LEFTY2: variants seen among roughly 807,000 people sequenced by gnomAD.
LEFTY2 encodes the protein left-right determination factor 2.
A neutral mutation model predicts 26.4 loss-of-function variants in LEFTY2; 10 were observed. The ratio of observed to expected loss-of-function variants is 0.38; its 90% confidence interval spans 0.23 to 0.64. The LOEUF is 0.64. LEFTY2 is among the 30% of genes least tolerant of loss of function. LEFTY2 has a pLI of 0.56. For synonymous variants in LEFTY2, 204 were observed against 234.1 expected, an observed-to-expected ratio of 0.87 and a Z score of 1.17; for missense variants, 407 against 502.1, an observed-to-expected ratio of 0.81 and a Z score of 1.81.
In LEFTY2 at chr1:225,939,516, C is replaced by T. The variant is rs750982897; in HGVS notation, c.582G>A (p.Arg194=). The change falls in exon 3 of 4, where the codon CGG becomes CGA. Residue 194 remains arginine (R), a synonymous_variant. Coordinates refer to ENST00000366820, the MANE Select transcript of LEFTY2 (RefSeq NM_003240.5). This position sits in a 1 kb window ranked among gnomAD's most constrained non-coding sequence, Gnocchi z 4.1. The part of the protein sequence containing the change: ...VNFWQQLSRP[R]QPLLLQVSVQ... ...CCGACACCTGTAGCAGCAGCGGCTG[C>T]CGGGGCCGGCTCAGCTGCTGCCAGA... 1.9e-6 allele frequency: 3 copies of T among 1,610,520 alleles called. No homozygotes were observed. Among genetic ancestry groups the T allele is most frequent in the Non-Finnish European group, 2.5e-6 (3 of 1,179,462 alleles).
At position 225,939,914 on chromosome 1, in the gene LEFTY2, C is replaced by A; in HGVS notation, c.339G>T (p.Leu113=). The A allele has an allele frequency of 2.5e-6, 4 of 1,576,572 alleles. No homozygotes were observed. Among genetic ancestry groups the A allele is most frequent in the Non-Finnish European group, 3.4e-6 (4 of 1,170,592 alleles). ...MEQRLPPNSE[L]VQAVLRLFQE... ...GGAAGAGCCGCAGCACGGCCTGCAC[C>A]AGCTCGCTGTTGGGCGGCAGCCGCT... The change falls in exon 2 of 4, where the codon CTG becomes CTT. Residue 113 remains leucine, a synonymous_variant. Transcript: ENST00000366820. This position sits in a 1 kb window ranked among gnomAD's most constrained non-coding sequence, Gnocchi z 4.1.
rs762361835 is a variant in LEFTY2, at chr1:225,941,172, G to A, written c.-32C>T. 2.6e-6 allele frequency: 4 copies of A among 1,516,448 alleles called. No individual in the cohort carries two copies. The highest frequency in any genetic ancestry group is 4.5e-5 in the East Asian group (2 of 44,004). The allele number at this position is 1,516,448 out of a possible 1,614,324, so 93.9% of individuals were successfully genotyped here. The stretch of plus-strand genomic sequence containing the variant: ...GCCCTGGGGGAGCAGGAGGCAGAGT[G>A]GGGCTGTCCTCTAGGGAGGTTGAAG... On this transcript the variant is annotated 5_prime_UTR_variant, in exon 1 of 4. Transcript: ENST00000366820.
At chr1:225,938,866 CTTTTTT>C (rs34986398) in intron 3 of LEFTY2, among the ~76,000 whole-genome samples, 1 of 113,082 alleles carries the variant, frequency 8.8e-6, no homozygotes, top group Admixed American at 1.1e-4. Context: ...TCTTTGTTTC[CTTTTTT>C]TTTTTTTTTT....
intron 1 of LEFTY2, 35 bp downstream of exon 1, chr1:225,940,856 A>G: frequency 2.5e-6 from 4 of 1,612,842 alleles, no homozygotes; most frequent in Non-Finnish European, 3.4e-6. Context: ...GCCCCCGACC[A>G]TGGGACCGGG....
At position 225,939,681 on chromosome 1, in the gene LEFTY2, G is replaced by A. The variant is rs750400354; in HGVS notation, c.497+75C>T. 3.1e-6 allele frequency: 5 copies of A among 1,609,478 alleles called. No individual in the cohort carries two copies. Among genetic ancestry groups the A allele is most frequent in the Non-Finnish European group, 4.2e-6 (5 of 1,178,830 alleles). On this transcript the variant is annotated intron_variant, in intron 2 of 3. Transcript: ENST00000366820. The surrounding 1 kb of genome is among the most constrained non-coding windows in gnomAD (Gnocchi z 4.1). ...GGACGGGCCCCGAGGACCCTGCACC[G>A]CCCCCTGCGTCCCCGCCCCCAAGCC...
At chr1:225,938,012 G>A (rs1013752032) in intron 3 of LEFTY2, among the ~76,000 whole-genome samples, 1 of 151,672 alleles carries the variant, frequency 6.6e-6, no homozygotes, top group South Asian at 2.1e-4. Flanking sequence ...CTCCTAATAG[G>A]CCAGACAATG....
Position 225,941,003 on chromosome 1 carries a change from G to C in LEFTY2, c.138C>G (p.Ala46=), listed in dbSNP as rs764560817. The C allele has an allele frequency of 6.2e-7, 1 of 1,613,444 alleles. No homozygotes were observed. Among genetic ancestry groups the C allele is most frequent in the East Asian group, 2.2e-5 (1 of 44,868 alleles). ...QLSEVPVLDR[A]DMEKLVIPAH... ...CGGGGATGACCAGCTTCTCCATGTC[G>C]GCCCTGTCCAGTACGGGCACCTCGC... Residue 46 remains alanine, a synonymous_variant, in exon 1 of 4, where the codon GCC becomes GCG. Coordinates refer to ENST00000366820, the MANE Select transcript of LEFTY2 (RefSeq NM_003240.5).
In LEFTY2 at chr1:225,939,172, A is replaced by G. The variant is rs201948473; in HGVS notation, c.737+189T>C. 1.3e-5 allele frequency among the ~76,000 whole-genome samples: 2 copies of G among 152,256 alleles called. No individual in the cohort carries two copies. Among genetic ancestry groups the G allele is most frequent in the East Asian group, 3.9e-4 (2 of 5,172 alleles). ...AGGTCTGAGCCACCACGCCTGGCCA[A>G]CAATACAATTTCTGCCATTAGAAAC... On this transcript the variant is annotated intron_variant, in intron 3 of 3. Transcript: ENST00000366820. The surrounding 1 kb of genome is among the most constrained non-coding windows in gnomAD (Gnocchi z 4.1).
rs761074083 is a variant in LEFTY2, at chr1:225,939,527, T to C, written c.571A>G (p.Ser191Gly). The C allele has an allele frequency of 6.2e-7, 1 of 1,611,210 alleles. No homozygotes were observed. The highest frequency in any genetic ancestry group is 1.7e-5 in the Admixed American group (1 of 59,986). Residue 191 changes from serine to glycine, a missense_variant, in exon 3 of 4, where the codon AGC (serine) becomes GGC (glycine). By Grantham distance (56) the Ser-to-Gly change is moderately conservative. Coordinates refer to ENST00000366820, the MANE Select transcript of LEFTY2 (RefSeq NM_003240.5). This position sits in a 1 kb window ranked among gnomAD's most constrained non-coding sequence, Gnocchi z 4.1. ...TEAVNFWQQLSRPRQPLLLQV... is the reference protein window; with the variant it reads ...TEAVNFWQQLGRPRQPLLLQV... ...AGCAGCAGCGGCTGCCGGGGCCGGC[T>C]CAGCTGCTGCCAGAAGTTCACGGCC... is the stretch of plus-strand genomic sequence containing the variant.
Position 225,941,086 on chromosome 1 carries a change from C to T in LEFTY2, c.55G>A (p.Gly19Arg), listed in dbSNP as rs778867386. Residue 19 changes from glycine (G) to arginine (R), a missense_variant, in exon 1 of 4, where the codon GGG becomes AGG. Physicochemically the swap from Gly to Arg is moderately radical, Grantham distance 125 (BLOSUM62 -2). Transcript: ENST00000366820. ...ALWVLPLAGP[G>R]AALTEEQLLG... The stretch of plus-strand genomic sequence containing the variant: ...AGCTGCTCCTCGGTCAGGGCCGCCC[C>T]GGGGCCAGCCAGGGGCAGCACCCAG... The T allele has an allele frequency of 8.8e-6, 14 of 1,595,892 alleles. No individual in the cohort carries two copies. Among genetic ancestry groups the T allele is most frequent in the East Asian group, 6.8e-5 (3 of 44,432 alleles).
chr1:225,939,289 G>A lies in LEFTY2; in HGVS notation c.737+72C>T. On this transcript the variant is annotated intron_variant, in intron 3 of 3. Coordinates refer to ENST00000366820, the MANE Select transcript of LEFTY2 (RefSeq NM_003240.5). The surrounding 1 kb of genome is among the most constrained non-coding windows in gnomAD (Gnocchi z 4.1). ...CCCACCGCCACCATCCGGTCCCCCA[G>A]ACAGTCCTGGGGACGGGGGTCTGGA... 1 of 1,603,304 alleles carries A rather than the reference G, an allele frequency of 6.2e-7. No homozygotes were observed. Among genetic ancestry groups the A allele is most frequent in the Admixed American group, 1.7e-5 (1 of 58,706 alleles).
Position 225,939,604 on chromosome 1 carries a change from A to T in LEFTY2, c.498-4T>A. On this transcript the variant is annotated splice_polypyrimidine_tract_variant and splice_region_variant and intron_variant, in intron 2 of 3. Transcript: ENST00000366820. This position sits in a 1 kb window ranked among gnomAD's most constrained non-coding sequence, Gnocchi z 4.1. ...GCTCTCGTGGACGGACACCAGCCTG[A>T]GACATGATACACACGACACGGAGAC... 1 of 1,612,606 alleles carries T rather than the reference A, an allele frequency of 6.2e-7. No homozygotes were observed. Among genetic ancestry groups the T allele is most frequent in the East Asian group, 2.2e-5 (1 of 44,876 alleles).
chr1:225,937,203 A>G lies in LEFTY2; in HGVS notation c.*238T>C. On this transcript the variant is annotated 3_prime_UTR_variant, in exon 4 of 4. Transcript: ENST00000366820. ...TGTGCATTGCTCAGCTGTATCTTGTAATCAGCATGCCAGCATTTCCTACTA... is the reference window on the plus strand; with the variant it reads ...TGTGCATTGCTCAGCTGTATCTTGTGATCAGCATGCCAGCATTTCCTACTA... 1.6e-6 allele frequency: 1 copy of G among 624,570 alleles called. No homozygotes were observed. The highest frequency in any genetic ancestry group is 2.8e-6 in the Non-Finnish European group (1 of 359,304). The allele number at this position is 624,570 out of a possible 1,614,324, so 38.7% of individuals were successfully genotyped here.
At position 225,936,844 on chromosome 1, in the gene LEFTY2, G is replaced by A. The variant is rs951134147; in HGVS notation, c.*597C>T. On this transcript the variant is annotated 3_prime_UTR_variant, in exon 4 of 4. Transcript: ENST00000366820. ...GAAGCCCAGCTCCTCCTTTTTAAGA[G>A]GAAATGACGAGCCAAAGCCTTCTGC... is the stretch of plus-strand genomic sequence containing the variant. The A allele has an allele frequency of 6.4e-6, 1 of 155,468 alleles. No individual in the cohort carries two copies. Among genetic ancestry groups the A allele is most frequent in the African/African-American group, 2.4e-5 (1 of 41,438 alleles). The allele number at this position is 155,468 out of a possible 1,614,324, so 9.6% of individuals were successfully genotyped here. A position where few individuals can be genotyped will look rare whatever the true frequency, so the allele number is the denominator to read the frequency against.
At position 225,939,276 on chromosome 1, in the gene LEFTY2, A is replaced by AT; in HGVS notation, c.737+84dup. 3.1e-6 allele frequency: 5 copies of AT among 1,591,288 alleles called. No individual in the cohort carries two copies. Among genetic ancestry groups the AT allele is most frequent in the Non-Finnish European group, 3.4e-6 (4 of 1,169,436 alleles). On this transcript the variant is annotated intron_variant, in intron 3 of 3. Transcript: ENST00000366820. This position sits in a 1 kb window ranked among gnomAD's most constrained non-coding sequence, Gnocchi z 4.1. Reference sequence around the variant, plus strand: ...TCCCTACCCCTAGCCCACCGCCACCATCCGGTCCCCCAGACAGTCCTGGGG... The same window carrying AT: ...TCCCTACCCCTAGCCCACCGCCACCATTCCGGTCCCCCAGACAGTCCTGGGG...
Position 225,941,020 on chromosome 1 carries a change from G to A in LEFTY2, c.121C>T (p.Pro41Ser), listed in dbSNP as rs756179691. Reference sequence around the variant, plus strand: ...TCCATGTCGGCCCTGTCCAGTACGGGCACCTCGCTGAGCTGCAGCTGCCGC... The same window carrying A: ...TCCATGTCGGCCCTGTCCAGTACGGACACCTCGCTGAGCTGCAGCTGCCGC... Reference protein sequence around the residue: ...LLRQLQLSEVPVLDRADMEKL... With the variant: ...LLRQLQLSEVSVLDRADMEKL... Residue 41 changes from proline (P) to serine (S), a missense_variant, in exon 1 of 4, where the codon CCC (proline) becomes TCC (serine). Transcript: ENST00000366820. 6.2e-7 allele frequency: 1 copy of A among 1,612,958 alleles called. No individual in the cohort carries two copies. Among genetic ancestry groups the A allele is most frequent in the East Asian group, 2.2e-5 (1 of 44,866 alleles).
chr1:225,939,657 G>T lies in LEFTY2; in HGVS notation c.498-57C>A. On this transcript the variant is annotated intron_variant, in intron 2 of 3. Coordinates refer to ENST00000366820, the MANE Select transcript of LEFTY2 (RefSeq NM_003240.5). The surrounding 1 kb of genome is among the most constrained non-coding windows in gnomAD (Gnocchi z 4.1). ...AGCGCCGCTTGAGGGCGGGGACTGG[G>T]ACGGGCCCCGAGGACCCTGCACCGC... The T allele has an allele frequency of 6.2e-7, 1 of 1,611,952 alleles. No homozygotes were observed.
rs1672188803 is a variant in LEFTY2, at chr1:225,937,694, A to G, written c.848T>C (p.Leu283Pro). 15 of 1,613,626 alleles carry G rather than the reference A, an allele frequency of 9.3e-6. No homozygotes were observed. Among genetic ancestry groups the G allele is most frequent in the Admixed American group, 1.7e-5 (1 of 59,990 alleles). ...QGMKWAKNWV[L>P]EPPGFLAYEC... ...GTAAGCCAGGAAGCCCGGGGGCTCC[A>G]GCACCCAGTTCTTGGCCCACTTCAT... is the stretch of plus-strand genomic sequence containing the variant. The change falls in exon 4 of 4, where the codon CTG (leucine) becomes CCG (proline). Residue 283 changes from leucine (L) to proline (P), a missense_variant. Transcript: ENST00000366820.
In LEFTY2 at chr1:225,937,284, G is replaced by A. The variant is rs1672173663; in HGVS notation, c.*157C>T. On this transcript the variant is annotated 3_prime_UTR_variant, in exon 4 of 4. Coordinates refer to ENST00000366820, the MANE Select transcript of LEFTY2 (RefSeq NM_003240.5). ...CACGTAAGTGCTTAGGATGGGTGAT[G>A]GACGGGAAAGACAGGAAATGGAAGG... 1 of 1,200,174 alleles carries A rather than the reference G, an allele frequency of 8.3e-7. No individual in the cohort carries two copies. The highest frequency in any genetic ancestry group is 1.3e-5 in the South Asian group (1 of 77,628). The allele number at this position is 1,200,174 out of a possible 1,614,324, so 74.3% of individuals were successfully genotyped here. A position where few individuals can be genotyped will look rare whatever the true frequency, so the allele number is the denominator to read the frequency against.
Sources: gnomAD v4.1 joint callset for allele counts (sites outside exome capture counted in the v4.1 genomes callset) on GRCh38, gnomAD v4.1.1 for gene constraint, Gnocchi (gnomAD v3.1) non-coding constraint, MANE v1.5 for transcripts, NCBI Gene and HGNC (gene_info 2026-07-23, HGNC 2026-07-21) for gene names.